The following KSR2 variants were observed in gnomAD, a reference collection of about 807,000 sequenced individuals.
The protein encoded by KSR2 is kinase suppressor of ras 2.
Under a neutral mutation model 107.8 loss-of-function variants are expected in KSR2, and 25 were observed. The ratio of observed to expected loss-of-function variants is 0.23; its 90% CI spans 0.17 to 0.32. The LOEUF (loss-of-function observed/expected upper bound fraction) is 0.32, where lower values mean the gene tolerates loss of function less well. KSR2 is among the 10% of genes least tolerant of loss of function. KSR2 has a pLI of 1.00. For missense variants in KSR2, 887 were observed against 1,268.9 expected (o/e 0.70, Z 4.57); for synonymous variants, 480 against 507.0 (o/e 0.95, Z 0.71).
chr12:117,869,162 A>C (rs900353450), intron 1 of KSR2, among the ~76,000 whole-genome samples: 4 of 152,048 alleles, frequency 2.6e-5, no homozygotes, highest in Non-Finnish European at 5.9e-5. Flanking sequence ...ACCTGAGGTC[A>C]GGAGTTTGAG....
intron 4 of KSR2, among the ~76,000 whole-genome samples, chr12:117,742,144 T>C (rs551711635): frequency 3.9e-5 from 6 of 152,050 alleles, no homozygotes; most frequent in South Asian, 4.2e-4. Context: ...TCTAATCTAA[T>C]CATAAGGAAA....
rs76366367 is a variant in KSR2 at position 117,845,432 on chromosome 12, A to G, written c.472+9996T>C. 4.4e-3 allele frequency among the ~76,000 whole-genome samples: 671 copies of G among 152,234 alleles called. 4 individuals are homozygous for G. The highest frequency in any genetic ancestry group is 0.015 in the African/African-American group (630 of 41,540). On this transcript the variant is annotated intron_variant, in intron 3 of 19. Coordinates refer to ENST00000339824, the MANE Select transcript of KSR2 (RefSeq NM_173598.6). ...CCTGTCTGATGCTTTCTTGTCATTC[A>G]AGTCTCAGCTTAAATGTCATCTCCC...
intron 3 of KSR2, among the ~76,000 whole-genome samples, chr12:117,771,530 T>C (rs1390871509): frequency 6.6e-6 from 1 of 152,208 alleles, no homozygotes; most frequent in Non-Finnish European, 1.5e-5. Context: ...TCTAAATTAA[T>C]GAGGTCTGTC....
At chr12:117,532,711 C>T (rs145120429) in intron 10 of KSR2, among the ~76,000 whole-genome samples, 1 of 152,202 alleles carries the variant, frequency 6.6e-6, no homozygotes, top group East Asian at 1.9e-4. Flanking sequence ...CCAGGGGTCT[C>T]GGACACTTAA....
intron 3 of KSR2, among the ~76,000 whole-genome samples, chr12:117,765,092 T>C (rs1889178659): frequency 6.6e-6 from 1 of 152,240 alleles, no homozygotes; most frequent in Non-Finnish European, 1.5e-5. Flanking sequence ...AAGTGACATT[T>C]AGCTGAAGCT....
At chr12:117,856,433 T>A (rs190650513) in intron 2 of KSR2, among the ~76,000 whole-genome samples, 36 of 152,294 alleles carry the variant, frequency 2.4e-4, no homozygotes, top group Non-Finnish European at 4.1e-4. Context: ...TTTTAACATA[T>A]ATTGTTATTA....
Position 117,460,815 on chromosome 12 carries a change from G to A in KSR2, c.*6384C>T, listed in dbSNP as rs10507280. 18,087 of 152,140 alleles carry A rather than the reference G, an allele frequency of 0.12. 1,116 individuals are homozygous for A. Among genetic ancestry groups the A allele is most frequent in the East Asian group, 0.19 (958 of 5,162 alleles). The allele number at this position is 152,140 out of a possible 1,614,324, so 9.4% of individuals were successfully genotyped here. The stretch of plus-strand genomic sequence containing the variant: ...TCCCTGTACCACAGTTGCCCCATTG[G>A]AACGAGAATAAGACTACTGATCTCC... On this transcript the variant is annotated 3_prime_UTR_variant, in exon 20 of 20. Transcript: ENST00000339824.
chr12:117,953,645 G>A (rs976965054), intron 1 of KSR2, among the ~76,000 whole-genome samples: 2 of 152,182 alleles, frequency 1.3e-5, no homozygotes, highest in Admixed American at 1.3e-4. Context: ...ACCATGTGCT[G>A]GGCCAGGGGA....
intron 4 of KSR2, among the ~76,000 whole-genome samples, chr12:117,752,788 C>A (rs1414153803): frequency 1.3e-5 from 2 of 152,132 alleles, no homozygotes; most frequent in Non-Finnish European, 2.9e-5. Context: ...ATTCAGTTTA[C>A]AGAAATGCAG....
rs1309868835 is a variant in KSR2 at position 117,897,524 on chromosome 12, C to A, written c.181-37093G>T. Among the ~76,000 whole-genome samples the A allele has an allele frequency of 2.6e-5, 4 of 152,090 alleles. No homozygotes were observed. Among genetic ancestry groups the A allele is most frequent in the Admixed American group, 6.5e-5 (1 of 15,272 alleles). The stretch of plus-strand genomic sequence containing the variant: ...TCTCCTGTGATTCCCAGGAGAGGGG[C>A]CGCACTCTGTCTTCACGCTGTCCCC... On this transcript the variant is annotated intron_variant, in intron 1 of 19. Coordinates refer to ENST00000339824, the MANE Select transcript of KSR2 (RefSeq NM_173598.6). This position sits in a 1 kb window ranked among gnomAD's most constrained non-coding sequence, Gnocchi z 4.5.
chr12:117,756,168 C>T (rs35040974), intron 4 of KSR2, among the ~76,000 whole-genome samples: 31,097 of 152,120 alleles, frequency 0.2, 3,583 homozygotes, highest in East Asian at 0.35. Flanking sequence ...GCTATGATCA[C>T]TGATGAAAGT....
intron 1 of KSR2, among the ~76,000 whole-genome samples, chr12:117,861,677 C>T (rs1023048971): frequency 6.6e-5 from 10 of 151,656 alleles, no homozygotes; most frequent in Non-Finnish European, 1.5e-4. Context: ...CATGAGCCAC[C>T]GCGCCCAGCC....
chr12:117,747,830 G>C (rs993841986), intron 4 of KSR2, among the ~76,000 whole-genome samples: 1 of 152,140 alleles, frequency 6.6e-6, no homozygotes, highest in African/African-American at 2.4e-5. Context: ...GTGGGGAAAA[G>C]GAACCCTTGT....
At chr12:117,898,049 G>A (rs1040031546) in intron 1 of KSR2, among the ~76,000 whole-genome samples, 1 of 152,052 alleles carries the variant, frequency 6.6e-6, no homozygotes, top group African/African-American at 2.4e-5. Flanking sequence ...ACACTAAACA[G>A]CTTCCTGTGA....
intron 14 of KSR2, among the ~76,000 whole-genome samples, chr12:117,505,408 A>G (rs566302849): frequency 6.6e-6 from 1 of 151,920 alleles, no homozygotes; most frequent in Non-Finnish European, 1.5e-5. Context: ...TTTTGTTTTC[A>G]TGCCCTTTTA....
chr12:117,863,966 C>T (rs1893393972), intron 1 of KSR2, among the ~76,000 whole-genome samples: 1 of 152,122 alleles, frequency 6.6e-6, no homozygotes, highest in African/African-American at 2.4e-5. Flanking sequence ...GGGCAATCTC[C>T]CCATTTCAAG....
intron 3 of KSR2, among the ~76,000 whole-genome samples, chr12:117,840,980 C>T (rs1892450980): frequency 6.8e-6 from 1 of 146,572 alleles, no homozygotes; most frequent in Admixed American, 7.0e-5. Context: ...CTAGCCGGGG[C>T]GACAGAGTGA....
At chr12:117,705,450 C>T (rs1224853416) in intron 4 of KSR2, among the ~76,000 whole-genome samples, 1 of 152,224 alleles carries the variant, frequency 6.6e-6, no homozygotes, top group African/African-American at 2.4e-5. Context: ...CCTTTCCTCA[C>T]CCCACTAGGC....
intron 3 of KSR2, among the ~76,000 whole-genome samples, chr12:117,779,317 C>G (rs967340161): frequency 1.4e-4 from 21 of 152,314 alleles, no homozygotes; most frequent in Non-Finnish European, 2.9e-4. Flanking sequence ...CTTGCCACAG[C>G]ATGTAGAACT....
Sources: gnomAD v4.1 joint callset for allele counts (sites outside exome capture counted in the v4.1 genomes callset) on GRCh38, gnomAD v4.1.1 for gene constraint, Gnocchi (gnomAD v3.1) non-coding constraint, MANE v1.5 for transcripts, NCBI Gene and HGNC (gene_info 2026-07-23, HGNC 2026-07-21) for gene names.